The following EIF2S2 variants were observed in gnomAD, a reference collection of about 807,000 sequenced individuals.
EIF2S2 encodes eukaryotic translation initiation factor 2 subunit 2.
In EIF2S2, 4 loss-of-function variants were observed where a neutral mutation model predicts 44.0. The observed-to-expected ratio is 0.09, with a 90% CI of 0.04 to 0.21. The LOEUF (loss-of-function observed/expected upper bound fraction) is 0.21. Among genes scored for constraint, EIF2S2 ranks in the 10% least tolerant of loss-of-function variants. The probability of loss-of-function intolerance (pLI) is 1.00; values close to 1 mark genes in which losing one functional copy is unlikely to be tolerated. For missense variants in EIF2S2, 154 were observed against 392.0 expected (o/e 0.39, Z 5.13); for synonymous variants, 108 against 128.3 (o/e 0.84, Z 1.07).
chr20:34,105,116 G>A (rs2034334063), intron 2 of EIF2S2, among the ~76,000 whole-genome samples: 1 of 152,150 alleles, frequency 6.6e-6, no homozygotes, highest in African/African-American at 2.4e-5. Context: ...GAAGAGACCT[G>A]ATGGGTTCAA....
At chr20:34,103,239 G>GCA (rs1271369388) in intron 3 of EIF2S2, among the ~76,000 whole-genome samples, 1 of 152,134 alleles carries the variant, frequency 6.6e-6, no homozygotes, top group Non-Finnish European at 1.5e-5. Context: ...CATCTTAATG[G>GCA]CACACAATAC....
intron 3 of EIF2S2, among the ~76,000 whole-genome samples, chr20:34,100,729 C>A (rs1268348768): frequency 6.6e-6 from 1 of 152,052 alleles, no homozygotes; most frequent in African/African-American, 2.4e-5. Flanking sequence ...ATGACATTAT[C>A]AAAGAGGGAA....
At chr20:34,099,350 T>C (rs1282175613) in intron 3 of EIF2S2, among the ~76,000 whole-genome samples, 1 of 149,956 alleles carries the variant, frequency 6.7e-6, no homozygotes, top group Non-Finnish European at 1.5e-5. Flanking sequence ...AGAGGGAAAC[T>C]CTGTCTCAAA....
rs2034424009 is a variant in EIF2S2 at position 34,112,217 on chromosome 20, G to C, written c.-107C>G. The C allele has an allele frequency of 4.0e-6, 5 of 1,242,936 alleles. No homozygotes were observed. Among genetic ancestry groups the C allele is most frequent in the Admixed American group, 3.1e-5 (1 of 31,782 alleles). 77.0% of individuals were successfully genotyped at this position (1,242,936 alleles called of 1,614,324 possible). On this transcript the variant is annotated 5_prime_UTR_variant, in exon 1 of 9. Transcript: ENST00000374980. ...GATACCTCTCCCACCACCGCACTAGGCTCTTGCATCAGCGAAAGGAAACGA... is the reference window on the plus strand; with the variant it reads ...GATACCTCTCCCACCACCGCACTAGCCTCTTGCATCAGCGAAAGGAAACGA...
intron 3 of EIF2S2, 50 bp downstream of exon 3, chr20:34,103,412 G>C: frequency 2.0e-6 from 3 of 1,491,992 alleles, no homozygotes; most frequent in Non-Finnish European, 2.7e-6. Flanking sequence ...TCAGCCATTA[G>C]CAACCTTGCA....
chr20:34,104,232 C>A (rs1350420815), intron 2 of EIF2S2, among the ~76,000 whole-genome samples: 5 of 152,190 alleles, frequency 3.3e-5, no homozygotes, highest in South Asian at 2.1e-4. Flanking sequence ...CTGGTTCTAA[C>A]CCTACTGAAC....
intron 6 of EIF2S2, among the ~76,000 whole-genome samples, chr20:34,096,322 G>T (rs921088918): frequency 6.6e-6 from 1 of 152,052 alleles, no homozygotes; most frequent in Non-Finnish European, 1.5e-5. Context: ...TAAATTGGTC[G>T]GGCATGGTGG....
chr20:34,107,891 G>T (rs184863835), intron 1 of EIF2S2, among the ~76,000 whole-genome samples: 2 of 152,326 alleles, frequency 1.3e-5, no homozygotes, highest in Admixed American at 6.5e-5. Context: ...CAGTCAGTCT[G>T]AAGAACATTA....
At chr20:34,108,027 G>C (rs1307966139) in intron 1 of EIF2S2, 6 of 152,170 alleles carry the variant, frequency 3.9e-5, no homozygotes, top group Non-Finnish European at 8.8e-5. Context: ...TAGAAATAGG[G>C]AGACTTGGCA....
intron 3 of EIF2S2, among the ~76,000 whole-genome samples, chr20:34,099,208 A>C (rs1193623642): frequency 6.6e-6 from 1 of 152,096 alleles, no homozygotes; most frequent in Non-Finnish European, 1.5e-5. Context: ...ACACCTACTA[A>C]AGATACAAAA....
intron 7 of EIF2S2, among the ~76,000 whole-genome samples, chr20:34,092,466 C>G (rs1225922747): frequency 6.6e-6 from 1 of 152,282 alleles, no homozygotes; most frequent in African/African-American, 2.4e-5. Context: ...GTCAGGAAAT[C>G]GAGACCATCC....
At position 34,105,359 on chromosome 20, in the gene EIF2S2, A is replaced by G; in HGVS notation, c.193+9T>C. 5 of 1,610,400 alleles carry G rather than the reference A, an allele frequency of 3.1e-6. No homozygotes were observed. Among genetic ancestry groups the G allele is most frequent in the Non-Finnish European group, 4.2e-6 (5 of 1,178,950 alleles). On this transcript the variant is annotated intron_variant, in intron 2 of 8. Coordinates refer to ENST00000374980, the MANE Select transcript of EIF2S2 (RefSeq NM_003908.5). ...TGACAACAGTAACTCTCTCACATCA[A>G]CCACGCACCTTTTTTCCTAGTGTCC...
At chr20:34,097,853 A>T (rs543541265) in intron 4 of EIF2S2, among the ~76,000 whole-genome samples, 95 of 152,242 alleles carry the variant, frequency 6.2e-4, no homozygotes, top group Non-Finnish European at 1.2e-3. Context: ...AGAAACATCA[A>T]CATCCATAAA....
intron 1 of EIF2S2, among the ~76,000 whole-genome samples, chr20:34,110,218 G>A (rs1306727266): frequency 3.3e-5 from 5 of 152,056 alleles, no homozygotes; most frequent in African/African-American, 9.7e-5. Flanking sequence ...AAAGTCCTTG[G>A]CAGTTTATAA....
At chr20:34,104,216 C>G (rs2034324272) in intron 2 of EIF2S2, among the ~76,000 whole-genome samples, 2 of 152,218 alleles carry the variant, frequency 1.3e-5, no homozygotes, top group African/African-American at 4.8e-5. Context: ...TTCCTCACTT[C>G]AATCCCTGGT....
At chr20:34,089,965 G>A (rs1313616134) in intron 8 of EIF2S2, 60 bp from the exon 9 acceptor site, 6 of 1,569,602 alleles carry the variant, frequency 3.8e-6, no homozygotes, top group Non-Finnish European at 5.2e-6. Flanking sequence ...AGAAGTTTCT[G>A]CCTTCTTAAA....
Position 34,088,363 on chromosome 20 carries a change from G to C in EIF2S2, c.*1367C>G, listed in dbSNP as rs1441194419. On this transcript the variant is annotated 3_prime_UTR_variant, in exon 9 of 9. Transcript: ENST00000374980. Reference sequence around the variant, plus strand: ...TTCATGTAGAAATATCCAACATTGGGAATCGTGTGGGTGTAGATACAAAAA... The same window carrying C: ...TTCATGTAGAAATATCCAACATTGGCAATCGTGTGGGTGTAGATACAAAAA... 1 of 152,570 alleles carries C rather than the reference G, an allele frequency of 6.6e-6. No individual in the cohort carries two copies. Among genetic ancestry groups the C allele is most frequent in the Non-Finnish European group, 1.5e-5 (1 of 68,034 alleles). 9.5% of individuals were successfully genotyped at this position (152,570 alleles called of 1,614,324 possible). A position where few individuals can be genotyped will look rare whatever the true frequency, so the allele number is the denominator to read the frequency against.
At chr20:34,090,425 C>T in intron 8 of EIF2S2, 92 bp downstream of exon 8, 1 of 775,492 alleles carries the variant, frequency 1.3e-6, no homozygotes, top group East Asian at 3.2e-5. Flanking sequence ...CCAGCTTTTC[C>T]CAGCTCACTG....
Position 34,089,623 on chromosome 20 carries a change from T to A in EIF2S2, c.*107A>T, listed in dbSNP as rs1422260617. 1 of 1,307,502 alleles carries A rather than the reference T, an allele frequency of 7.6e-7. No individual in the cohort carries two copies. Among genetic ancestry groups the A allele is most frequent in the African/African-American group, 1.5e-5 (1 of 67,058 alleles). 81.0% of individuals were successfully genotyped at this position (1,307,502 alleles called of 1,614,324 possible). A position where few individuals can be genotyped will look rare whatever the true frequency, so the allele number is the denominator to read the frequency against. Reference sequence around the variant, plus strand: ...CAGACCAACCACTCGCCAAAAATCTTGGCAGCTTTTTTATCTTGTTTTTAA... The same window carrying A: ...CAGACCAACCACTCGCCAAAAATCTAGGCAGCTTTTTTATCTTGTTTTTAA... On this transcript the variant is annotated 3_prime_UTR_variant, in exon 9 of 9. Coordinates refer to ENST00000374980, the MANE Select transcript of EIF2S2 (RefSeq NM_003908.5).
Sources: allele counts gnomAD v4.1 joint callset (sites outside exome capture counted in the v4.1 genomes callset), GRCh38; gene constraint gnomAD v4.1.1; transcripts MANE v1.5; gene names NCBI Gene and HGNC (gene_info 2026-07-23, HGNC 2026-07-21).